The following THEMIS variants were observed in gnomAD, a reference collection of about 807,000 sequenced individuals.
THEMIS encodes the protein protein THEMIS.
A neutral mutation model predicts 52.6 loss-of-function variants in THEMIS; 37 were observed. That is an observed-to-expected ratio of 0.70 (90% confidence interval 0.54 to 0.93). The LOEUF is 0.93. Ranked by LOEUF, THEMIS falls within the 40% of genes least tolerant of loss-of-function variation. The probability of loss-of-function intolerance (pLI) is 0.00; values close to 1 mark genes in which losing one functional copy is unlikely to be tolerated. For missense variants in THEMIS, 808 were observed against 763.1 expected (o/e 1.06, Z -0.69); for synonymous variants, 292 against 272.7 (o/e 1.07, Z -0.70).
chr6:127,817,015 T>G (rs1257554618), intron 3 of THEMIS, among the ~76,000 whole-genome samples: 3 of 152,210 alleles, frequency 2.0e-5, no homozygotes, highest in Non-Finnish European at 4.4e-5. Context: ...TATTTAAAAT[T>G]GCAATCTTCT....
At chr6:127,827,411 T>A (rs1778544101) in intron 3 of THEMIS, among the ~76,000 whole-genome samples, 2 of 152,196 alleles carry the variant, frequency 1.3e-5, no homozygotes, top group African/African-American at 4.8e-5. Flanking sequence ...AAATAATCCC[T>A]ATGAAATTAA....
chr6:127,876,521 C>T (rs932770667), intron 1 of THEMIS, among the ~76,000 whole-genome samples: 2 of 152,190 alleles, frequency 1.3e-5, no homozygotes, highest in African/African-American at 4.8e-5. Context: ...TTTTAAAATA[C>T]AGATTCTTGG....
chr6:127,717,600 G>A (rs980877011), intron 5 of THEMIS, among the ~76,000 whole-genome samples: 7 of 151,770 alleles, frequency 4.6e-5, no homozygotes, highest in African/African-American at 7.3e-5. Flanking sequence ...AGGTTTTACC[G>A]TACTCTTGGC....
rs115019711 is a variant in THEMIS at position 127,868,476 on chromosome 6, A to G, written c.92-13288T>C. On this transcript the variant is annotated intron_variant, in intron 1 of 5. Coordinates refer to ENST00000368248, the MANE Select transcript of THEMIS (RefSeq NM_001010923.3). ...ACACCTTCAAGATCAGCATTTCCCA[A>G]CCTTCCACAAATGAACTCTGGTGTG... 1,853 of 985,342 alleles carry G rather than the reference A, an allele frequency of 1.9e-3. 2 individuals carry two copies. The highest frequency in any genetic ancestry group is 2.2e-3 in the Non-Finnish European group (1,785 of 829,888). 61.0% of individuals were successfully genotyped at this position (985,342 alleles called of 1,614,324 possible). A position where few individuals can be genotyped will look rare whatever the true frequency, so the allele number is the denominator to read the frequency against.
chr6:127,884,992 C>T (rs1780602296), intron 1 of THEMIS, among the ~76,000 whole-genome samples: 1 of 152,116 alleles, frequency 6.6e-6, no homozygotes, highest in Non-Finnish European at 1.5e-5. Context: ...CAGGGCCTCA[C>T]CTGTGTTACC....
intron 1 of THEMIS, among the ~76,000 whole-genome samples, chr6:127,884,843 T>C (rs1161307436): frequency 6.6e-6 from 1 of 152,224 alleles, no homozygotes; most frequent in Non-Finnish European, 1.5e-5. Context: ...GCATGCATAC[T>C]GACGCCTTCT....
At chr6:127,698,803 T>C in the THEMIS span, among the ~76,000 whole-genome samples, 1 of 151,360 alleles carries the variant, frequency 6.6e-6, no homozygotes, top group Non-Finnish European at 1.5e-5. Context: ...TTTGGAAATG[T>C]ATTTCTTCAT....
intron 4 of THEMIS, among the ~76,000 whole-genome samples, chr6:127,774,729 T>A (rs1196839818): frequency 6.6e-6 from 1 of 152,182 alleles, no homozygotes; most frequent in African/African-American, 2.4e-5. Flanking sequence ...AAATAACACT[T>A]ACCAATCTGC....
chr6:127,706,655 AC>A (rs1773803967), downstream of THEMIS, among the ~76,000 whole-genome samples: 1 of 152,152 alleles, frequency 6.6e-6, no homozygotes, highest in Admixed American at 6.6e-5. Context: ...GATAGAATAA[AC>A]TATTATGGAG....
At chr6:127,894,790 T>A (rs1780913873) in intron 1 of THEMIS, among the ~76,000 whole-genome samples, 2 of 151,546 alleles carry the variant, frequency 1.3e-5, no homozygotes, top group African/African-American at 4.8e-5. Flanking sequence ...TTTAGAAAAT[T>A]ATCTCAGAAA....
chr6:127,753,274 T>C (rs1775709493), intron 4 of THEMIS, among the ~76,000 whole-genome samples: 1 of 151,986 alleles, frequency 6.6e-6, no homozygotes, highest in East Asian at 1.9e-4. Context: ...AAGACTCCAT[T>C]AAAACACTGT....
chr6:127,886,531 G>A (rs1360945239), intron 1 of THEMIS, among the ~76,000 whole-genome samples: 1 of 152,104 alleles, frequency 6.6e-6, no homozygotes, highest in Non-Finnish European at 1.5e-5. Context: ...GTAAATTCCT[G>A]TTTTTGTTCA....
chr6:127,882,463 ATAGAAAGTT>A (rs1780514375), intron 1 of THEMIS, among the ~76,000 whole-genome samples: 2 of 151,892 alleles, frequency 1.3e-5, no homozygotes, highest in African/African-American at 4.8e-5. Context: ...AAGCTTAGAT[ATAGAAAGTT>A]TACAGTTTCC....
At chr6:127,716,857 C>T (rs1774183720) in intron 5 of THEMIS, among the ~76,000 whole-genome samples, 1 of 151,750 alleles carries the variant, frequency 6.6e-6, no homozygotes, top group Admixed American at 6.6e-5. Flanking sequence ...GTCAGGGCAT[C>T]CATGTCTCTA....
At chr6:127,732,080 A>C (rs958789908) in intron 4 of THEMIS, among the ~76,000 whole-genome samples, 1 of 150,968 alleles carries the variant, frequency 6.6e-6, no homozygotes, top group Non-Finnish European at 1.5e-5. Context: ...TGGATTGAGT[A>C]TACCATAATT....
chr6:127,733,036 G>A (rs759896071), intron 4 of THEMIS, among the ~76,000 whole-genome samples: 2 of 152,110 alleles, frequency 1.3e-5, no homozygotes, highest in Non-Finnish European at 2.9e-5. Flanking sequence ...GGTGTTGTTC[G>A]TGTTATCTCC....
chr6:127,863,772 C>G (rs942297643), intron 1 of THEMIS, among the ~76,000 whole-genome samples: 1 of 152,080 alleles, frequency 6.6e-6, no homozygotes, highest in East Asian at 1.9e-4. Flanking sequence ...TCAGAGATGT[C>G]CAAAGGAAGT....
At chr6:127,900,419 G>A (rs575442350) in intron 1 of THEMIS, among the ~76,000 whole-genome samples, 7 of 152,050 alleles carry the variant, frequency 4.6e-5, no homozygotes, top group Middle Eastern at 3.4e-3. Context: ...TAAAAGTTTG[G>A]GAAATATTTG....
At position 127,719,685 on chromosome 6, in the gene THEMIS, T is replaced by C; in HGVS notation, c.1894+3A>G. On this transcript the variant is annotated splice_donor_region_variant and intron_variant, in intron 5 of 5. Coordinates refer to ENST00000368248, the MANE Select transcript of THEMIS (RefSeq NM_001010923.3). ...TTTAACTGACCTATAGTCACATCAG[T>C]ACCTGCTATTGCTGTGGCCCCACGG... 6 of 1,609,790 alleles carry C rather than the reference T, an allele frequency of 3.7e-6. No homozygotes were observed. The highest frequency in any genetic ancestry group is 5.1e-6 in the Non-Finnish European group (6 of 1,177,888).
Sources: allele counts gnomAD v4.1 joint callset (sites outside exome capture counted in the v4.1 genomes callset), GRCh38; gene constraint gnomAD v4.1.1; transcripts MANE v1.5; gene names NCBI Gene and HGNC (gene_info 2026-07-23, HGNC 2026-07-21).